Variants in PLOD2 observed in about 807,000 individuals in gnomAD.
PLOD2 encodes lysine hydroxylase 2.
A neutral mutation model predicts 101.0 loss-of-function variants in PLOD2; 65 were observed. That is an observed-to-expected ratio of 0.64 (90% CI 0.53 to 0.79). PLOD2 has a LOEUF of 0.79. Ranked by LOEUF, PLOD2 falls within the 30% of genes least tolerant of loss-of-function variation. The probability of loss-of-function intolerance (pLI) is 0.00; values close to 1 mark genes in which losing one functional copy is unlikely to be tolerated. For missense variants in PLOD2, 909 were observed against 914.6 expected, an observed-to-expected ratio of 0.99 and a Z score of 0.08; for synonymous variants, 314 against 302.9, an observed-to-expected ratio of 1.04 and a Z score of -0.38.
intron 8 of PLOD2, among the ~76,000 whole-genome samples, chr3:146,089,641 T>C (rs1290133658): frequency 6.6e-6 from 1 of 151,676 alleles, no homozygotes; most frequent in Non-Finnish European, 1.5e-5. Context: ...CATTACTCCA[T>C]TATCTGTATA....
rs562449305 is a variant in PLOD2, at chr3:146,130,781, C to G, written c.110-6552G>C. Among the ~76,000 whole-genome samples the G allele has an allele frequency of 2.6e-5, 4 of 152,144 alleles. No individual in the cohort carries two copies. The South Asian group carries it at 8.3e-4, about 32-fold the overall frequency. On this transcript the variant is annotated intron_variant, in intron 1 of 19. Coordinates refer to ENST00000282903, the MANE Select transcript of PLOD2 (RefSeq NM_182943.3). ...GTCATGTGGCCTCCCCTGGTGACAACAGGTTAAGGGCTGAAGCAATCATTG... is the reference window on the plus strand; with the variant it reads ...GTCATGTGGCCTCCCCTGGTGACAAGAGGTTAAGGGCTGAAGCAATCATTG...
intron 9 of PLOD2, 138 bp downstream of exon 9, chr3:146,088,448 A>G (rs1043802642): frequency 3.2e-6 from 2 of 633,760 alleles, no homozygotes; most frequent in African/African-American, 3.7e-5. Flanking sequence ...TTAGGTCCTA[A>G]AAAGGCAGGG....
intron 10 of PLOD2, chr3:146,085,571 A>G (rs1423621907): frequency 1.1e-5 from 4 of 366,332 alleles, no homozygotes. Context: ...GTTTCTGCAT[A>G]CATACATACA....
intron 13 of PLOD2, 42 bp downstream of exon 13, chr3:146,079,074 T>C (rs765868656): frequency 1.3e-6 from 2 of 1,598,446 alleles, no homozygotes; most frequent in East Asian, 2.2e-5. Context: ...AAGCAAGCCA[T>C]CTTATAAGAA....
intron 3 of PLOD2, among the ~76,000 whole-genome samples, chr3:146,115,098 G>A (rs972875341): frequency 6.6e-6 from 1 of 152,096 alleles, no homozygotes; most frequent in Admixed American, 6.6e-5. Flanking sequence ...CGGACACCCA[G>A]CTTTAAAATT....
intron 3 of PLOD2, among the ~76,000 whole-genome samples, chr3:146,113,549 T>C (rs540723220): frequency 6.6e-6 from 1 of 152,354 alleles, no homozygotes; most frequent in African/African-American, 2.4e-5. Flanking sequence ...TAATTTCTTA[T>C]GCCTGTCTTT....
chr3:146,081,860 C>A lies in PLOD2; in HGVS notation c.1236G>T (p.Lys412Asn). The change falls in exon 12 of 20, where the codon AAG becomes AAT. Residue 412 changes from lysine to asparagine, a missense_variant. Coordinates refer to ENST00000282903, the MANE Select transcript of PLOD2 (RefSeq NM_182943.3). The stretch of plus-strand genomic sequence containing the variant: ...GACGAGTTACAAGAGGAGCAATGAT[C>A]TTTCTAAAGACAGAGAGAGTGTGTG... ...TLKILIEQNR[K>N]IIAPLVTRHG... The A allele has an allele frequency of 6.2e-7, 1 of 1,612,244 alleles. No individual in the cohort carries two copies. Among genetic ancestry groups the A allele is most frequent in the Non-Finnish European group, 8.5e-7 (1 of 1,178,636 alleles).
chr3:146,084,677 A>G (rs1033067974), intron 11 of PLOD2, among the ~76,000 whole-genome samples: 8 of 152,060 alleles, frequency 5.3e-5, no homozygotes, highest in African/African-American at 1.9e-4. Context: ...TCCCATTTCA[A>G]TTGAGTTAAA....
At chr3:146,124,382 T>C (rs981790751) in intron 1 of PLOD2, among the ~76,000 whole-genome samples, 153 bp from the exon 2 acceptor site, 44 of 152,064 alleles carry the variant, frequency 2.9e-4, no homozygotes, top group African/African-American at 8.0e-4. Flanking sequence ...GTCGAAAAAA[T>C]AGATGACTCA....
At chr3:146,155,695 A>G in intron 1 of PLOD2, among the ~76,000 whole-genome samples, 1 of 149,508 alleles carries the variant, frequency 6.7e-6, no homozygotes, top group Non-Finnish European at 1.5e-5. Context: ...AGCCTGGGCG[A>G]CAGAACGAGA....
intron 7 of PLOD2, among the ~76,000 whole-genome samples, chr3:146,095,603 C>G (rs950472761): frequency 1.3e-5 from 2 of 152,030 alleles, no homozygotes; most frequent in Admixed American, 1.3e-4. Flanking sequence ...TTTTACGCTG[C>G]TGGTGGGAGT....
intron 7 of PLOD2, among the ~76,000 whole-genome samples, chr3:146,100,302 C>G (rs1325308756): frequency 6.6e-6 from 1 of 152,086 alleles, no homozygotes; most frequent in African/African-American, 2.4e-5. Flanking sequence ...TTGTTGAAAG[C>G]GTAGTATTCG....
chr3:146,074,556 AG>A, intron 15 of PLOD2, among the ~76,000 whole-genome samples: 2 of 151,584 alleles, frequency 1.3e-5, no homozygotes, highest in East Asian at 3.9e-4. Flanking sequence ...TATATGGATC[AG>A]ATTTCTATAT....
chr3:146,151,932 T>C (rs1337826142), intron 1 of PLOD2, among the ~76,000 whole-genome samples: 1 of 152,200 alleles, frequency 6.6e-6, no homozygotes, highest in Non-Finnish European at 1.5e-5. Context: ...TTGGCATACA[T>C]TTGCATCTAA....
chr3:146,129,286 A>G (rs2030765776), intron 1 of PLOD2, among the ~76,000 whole-genome samples: 1 of 152,158 alleles, frequency 6.6e-6, no homozygotes, highest in Admixed American at 6.6e-5. Context: ...TGTCTAATAC[A>G]ATTTGATTTT....
chr3:146,124,330 A>G (rs993707603), intron 1 of PLOD2, 101 bp from the exon 2 acceptor site: 1 of 700,950 alleles, frequency 1.4e-6, no homozygotes, highest in Admixed American at 2.1e-5. Flanking sequence ...ACCCGTGGGA[A>G]TATTCTGGTT....
At chr3:146,077,135 T>C (rs1050842173) in intron 14 of PLOD2, 125 of 1,149,108 alleles carry the variant, frequency 1.1e-4, no homozygotes, top group African/African-American at 3.6e-4. Context: ...AAAAGAAGAA[T>C]GGACTGTTTT....
intron 8 of PLOD2, among the ~76,000 whole-genome samples, chr3:146,090,279 T>C (rs776274640): frequency 1.1e-4 from 16 of 151,450 alleles, no homozygotes; most frequent in Non-Finnish European, 1.8e-4. Context: ...TTAATTTTTA[T>C]ATCCCTATTG....
At chr3:146,070,999 A>G in intron 19 of PLOD2, 43 bp downstream of exon 19, 3 of 1,558,296 alleles carry the variant, frequency 1.9e-6, no homozygotes, top group Non-Finnish European at 2.6e-6. Flanking sequence ...TCATAATGAT[A>G]TATTTCTTTT....
Sources: allele counts gnomAD v4.1 joint callset (sites outside exome capture counted in the v4.1 genomes callset), GRCh38; gene constraint gnomAD v4.1.1; transcripts MANE v1.5; gene names NCBI Gene and HGNC (gene_info 2026-07-23, HGNC 2026-07-21).